The following CDH18 variants were observed in gnomAD, a reference collection of about 807,000 sequenced individuals.
CDH18 encodes cadherin-18.
In CDH18, 31 loss-of-function variants were observed where a neutral mutation model predicts 67.9. That is an observed-to-expected ratio of 0.46 (90% CI 0.34 to 0.62). The LOEUF is 0.62. CDH18 is among the 20% of genes least tolerant of loss of function. The probability of loss-of-function intolerance (pLI) is 0.01; values close to 1 mark genes in which losing one functional copy is unlikely to be tolerated. For synonymous variants in CDH18, 362 were observed against 347.2 expected (o/e 1.04, Z -0.48); for missense variants, 890 against 975.5 (o/e 0.91, Z 1.17).
chr5:19,817,518 G>A (rs1779419642), intron 3 of CDH18, among the ~76,000 whole-genome samples: 1 of 152,020 alleles, frequency 6.6e-6, no homozygotes, highest in Admixed American at 6.6e-5. Context: ...ATCAGTGAAA[G>A]TAGTGAGGTA....
intron 5 of CDH18, among the ~76,000 whole-genome samples, chr5:19,620,816 G>T (rs1284579323): frequency 1.3e-5 from 2 of 151,974 alleles, no homozygotes; most frequent in African/African-American, 2.4e-5. Flanking sequence ...TCATAGGGCT[G>T]CCCAGGGATT....
intron 2 of CDH18, among the ~76,000 whole-genome samples, chr5:19,912,055 T>G (rs1219647009): frequency 1.3e-5 from 2 of 152,114 alleles, no homozygotes; most frequent in Non-Finnish European, 2.9e-5. Context: ...GTCATCTAGG[T>G]TACATGTTAC....
intron 3 of CDH18, among the ~76,000 whole-genome samples, chr5:19,751,453 T>C (rs1023725514): frequency 2.0e-5 from 3 of 152,208 alleles, no homozygotes; most frequent in African/African-American, 7.2e-5. Context: ...GGCAGAAATA[T>C]AGTAATTCCA....
chr5:20,318,608 C>A (rs550729048), intron 1 of CDH18, among the ~76,000 whole-genome samples: 1 of 152,224 alleles, frequency 6.6e-6, no homozygotes, highest in East Asian at 1.9e-4. Context: ...CTTCCTCCTG[C>A]TCCCATTATG....
intron 1 of CDH18, among the ~76,000 whole-genome samples, chr5:20,468,902 C>T (rs1019494187): frequency 1.3e-5 from 2 of 152,128 alleles, no homozygotes; most frequent in South Asian, 2.1e-4. Flanking sequence ...ATACATTAAT[C>T]GAGGTGCATT....
At chr5:19,960,632 T>TATGTATATATATACAC (rs1304355958) in intron 2 of CDH18, among the ~76,000 whole-genome samples, 1 of 118,076 alleles carries the variant, frequency 8.5e-6, no homozygotes, top group African/African-American at 6.0e-5. Flanking sequence ...TACACGTGTA[T>TATGTATATATATACAC]ATGTATACAT....
rs992860687 is a variant in CDH18 at position 19,628,765 on chromosome 5, T to C, written c.644-16164A>G. Among the ~76,000 whole-genome samples, 41 of 152,040 alleles carry C rather than the reference T, an allele frequency of 2.7e-4. 1 individual carries two copies. The highest frequency in any genetic ancestry group is 9.7e-4 in the African/African-American group (40 of 41,394). On this transcript the variant is annotated intron_variant, in intron 5 of 12. Coordinates refer to ENST00000382275, the MANE Select transcript of CDH18 (RefSeq NM_004934.5). Reference sequence around the variant, plus strand: ...TTAGAGGAGCAAGCTAAAATAGTAATATAAATATGACCAGCATAAAGATAC... The same window carrying C: ...TTAGAGGAGCAAGCTAAAATAGTAACATAAATATGACCAGCATAAAGATAC...
At chr5:19,743,921 CAAAAAAAAAAAA>C (rs140476096) in intron 4 of CDH18, among the ~76,000 whole-genome samples, 5 of 65,906 alleles carry the variant, frequency 7.6e-5, no homozygotes, top group Non-Finnish European at 1.3e-4. Context: ...ACTCTTGTCT[CAAAAAAAAAAAA>C]AAAAAAAAAA....
intron 1 of CDH18, among the ~76,000 whole-genome samples, chr5:20,350,342 T>C (rs891202292): frequency 7.2e-5 from 11 of 152,108 alleles, no homozygotes; most frequent in African/African-American, 2.7e-4. Context: ...AATGGTTCAT[T>C]TAATTTAATT....
intron 10 of CDH18, among the ~76,000 whole-genome samples, chr5:19,507,167 T>C (rs780132045): frequency 7.9e-5 from 12 of 152,176 alleles, no homozygotes; most frequent in Admixed American, 2.0e-4. Flanking sequence ...CTTATCATCA[T>C]TGGCCATCAG....
At chr5:20,305,722 G>T (rs373227483) in intron 1 of CDH18, 1 of 389,010 alleles carries the variant, frequency 2.6e-6, no homozygotes, top group Non-Finnish European at 4.7e-6. Flanking sequence ...CGGTTCAGCC[G>T]GAGACCGCTG....
At position 19,747,248 on chromosome 5, in the gene CDH18, A is replaced by C; in HGVS notation, c.229-12T>G. 1.2e-6 allele frequency: 2 copies of C among 1,602,958 alleles called. No individual in the cohort carries two copies. The highest frequency in any genetic ancestry group is 1.7e-6 in the Non-Finnish European group (2 of 1,171,244). On this transcript the variant is annotated splice_polypyrimidine_tract_variant and intron_variant, in intron 3 of 12. Transcript: ENST00000382275. ...GAATTGGAGTGCAGCTGTGAAATAC[A>C]CATGGAATAATTTAGCATATATTTA...
chr5:19,486,044 G>A (rs3811862), intron 11 of CDH18, among the ~76,000 whole-genome samples: 1 of 151,840 alleles, frequency 6.6e-6, no homozygotes. Flanking sequence ...AAGACATAAG[G>A]ACATAAAGAT....
intron 7 of CDH18, among the ~76,000 whole-genome samples, chr5:19,574,692 C>A (rs1049898791): frequency 6.6e-6 from 1 of 151,976 alleles, no homozygotes; most frequent in Non-Finnish European, 1.5e-5. Flanking sequence ...ATCTTCCACA[C>A]CTTTTAAATA....
intron 2 of CDH18, among the ~76,000 whole-genome samples, chr5:19,994,859 G>T (rs1370379468): frequency 5.4e-4 from 66 of 121,350 alleles, no homozygotes; most frequent in African/African-American, 9.4e-4. Context: ...TATATATAGA[G>T]AGAGAGAGAG....
intron 1 of CDH18, among the ~76,000 whole-genome samples, chr5:20,509,407 CT>C (rs565488310): frequency 2.6e-3 from 363 of 139,246 alleles, no homozygotes; most frequent in South Asian, 4.3e-3. Context: ...CAGGATTTCC[CT>C]TTTTTTTTTT....
intron 3 of CDH18, among the ~76,000 whole-genome samples, chr5:19,784,231 C>G (rs1043777679): frequency 6.6e-6 from 1 of 152,044 alleles, no homozygotes; most frequent in Non-Finnish European, 1.5e-5. Context: ...AAAATTCAAA[C>G]AGTTTATGAG....
chr5:20,109,924 T>G (rs996094544), intron 2 of CDH18, among the ~76,000 whole-genome samples: 9 of 152,214 alleles, frequency 5.9e-5, no homozygotes, highest in African/African-American at 2.2e-4. Context: ...ATACTTGTGT[T>G]AGAATGTAAA....
At chr5:20,393,049 A>G (rs936716849) in intron 1 of CDH18, among the ~76,000 whole-genome samples, 6 of 151,884 alleles carry the variant, frequency 4.0e-5, no homozygotes, top group Non-Finnish European at 8.8e-5. Context: ...TTACTGAAAA[A>G]TCTTTGGAAA....
Sources: gnomAD v4.1 joint callset for allele counts (sites outside exome capture counted in the v4.1 genomes callset) on GRCh38, gnomAD v4.1.1 for gene constraint, MANE v1.5 for transcripts, NCBI Gene and HGNC (gene_info 2026-07-23, HGNC 2026-07-21) for gene names.